Variants in KLHL29 observed in about 807,000 individuals in gnomAD.
KLHL29 encodes the protein kelch like family member 29, also known as kelch-like protein 29.
A neutral mutation model predicts 80.4 loss-of-function variants in KLHL29; 21 were observed. The ratio of observed to expected loss-of-function variants is 0.26; its 90% CI spans 0.19 to 0.38. The LOEUF is 0.38. Ranked by LOEUF, KLHL29 falls within the 10% of genes least tolerant of loss-of-function variation. The pLI is 1.00. For missense variants in KLHL29, 867 were observed against 1,223.9 expected, an observed-to-expected ratio of 0.71 and a Z score of 4.35; for synonymous variants, 511 against 526.8, an observed-to-expected ratio of 0.97 and a Z score of 0.41.
At position 23,695,817 on chromosome 2, in the gene KLHL29, T is replaced by C; in HGVS notation, c.1737T>C (p.Ser579=). ...MQTPRTRPRL[S]AGVAEVIVLV... ...CGCCCCGAACCCGGCCGCGCCTCTCTGCAGGTATGAAGGGGCACGCCCCGA... is the reference window on the plus strand; with the variant it reads ...CGCCCCGAACCCGGCCGCGCCTCTCCGCAGGTATGAAGGGGCACGCCCCGA... The change falls in exon 9 of 14, where the codon TCT becomes TCC. Residue 579 remains serine, a synonymous_variant. Coordinates refer to ENST00000486442, the MANE Select transcript of KLHL29 (RefSeq NM_052920.2). This position sits in a 1 kb window ranked among gnomAD's most constrained non-coding sequence, Gnocchi z 7.6. 6.5e-7 allele frequency: 1 copy of C among 1,548,466 alleles called. No homozygotes were observed. The highest frequency in any genetic ancestry group is 2.4e-5 in the East Asian group (1 of 40,910).
intron 2 of KLHL29, among the ~76,000 whole-genome samples, chr2:23,500,864 G>A (rs1214750250): frequency 2.0e-5 from 3 of 152,116 alleles, no homozygotes; most frequent in Non-Finnish European, 2.9e-5. Context: ...TTCAGTTCAC[G>A]AGGTTGCACT....
intron 1 of KLHL29, among the ~76,000 whole-genome samples, chr2:23,430,459 G>A (rs1663139119): frequency 6.6e-6 from 1 of 152,158 alleles, no homozygotes; most frequent in Non-Finnish European, 1.5e-5. Flanking sequence ...TTGCTTGTTT[G>A]ATGCTTTGGA....
At chr2:23,609,318 T>C (rs1383759005) in intron 3 of KLHL29, among the ~76,000 whole-genome samples, 1 of 152,092 alleles carries the variant, frequency 6.6e-6, no homozygotes, top group Non-Finnish European at 1.5e-5. Context: ...GGAGAAAGTG[T>C]GGGAGAGAGA....
chr2:23,533,820 C>T (rs1442698666), intron 2 of KLHL29, among the ~76,000 whole-genome samples: 3 of 152,168 alleles, frequency 2.0e-5, no homozygotes, highest in African/African-American at 7.2e-5. Flanking sequence ...TGTTTTCAAC[C>T]TTTGTGAACC....
At chr2:23,550,435 T>G (rs974607910) in intron 2 of KLHL29, among the ~76,000 whole-genome samples, 3 of 152,098 alleles carry the variant, frequency 2.0e-5, no homozygotes, top group African/African-American at 7.2e-5. Flanking sequence ...TGGTGAAAGG[T>G]TCGTTCCACA....
chr2:23,498,852 C>T (rs1336543084), intron 2 of KLHL29, among the ~76,000 whole-genome samples: 2 of 152,154 alleles, frequency 1.3e-5, no homozygotes, highest in Admixed American at 1.3e-4. Flanking sequence ...TGGGTGAGGC[C>T]GCCCCTATGC....
intron 2 of KLHL29, among the ~76,000 whole-genome samples, chr2:23,516,979 G>A (rs188254261): frequency 2.0e-5 from 3 of 152,316 alleles, no homozygotes; most frequent in Admixed American, 1.3e-4. Flanking sequence ...GGTGACGGAC[G>A]TGCCTGGGAG....
rs561762071 is a variant in KLHL29 at position 23,455,254 on chromosome 2, G to A, written c.-153-20306G>A. Among the ~76,000 whole-genome samples the A allele has an allele frequency of 4.6e-5, 7 of 152,194 alleles. No homozygotes were observed. In the South Asian group the frequency reaches 1.5e-3, roughly 32 times the overall value. On this transcript the variant is annotated intron_variant, in intron 1 of 13. Transcript: ENST00000486442. ...TGACCTCTTGTGACTGATTAGTAAA[G>A]CTCTGTAAAAAGGTTACCTGAAAAT... is the stretch of plus-strand genomic sequence containing the variant.
At chr2:23,430,783 G>C (rs980237846) in intron 1 of KLHL29, among the ~76,000 whole-genome samples, 5 of 152,174 alleles carry the variant, frequency 3.3e-5, no homozygotes, top group African/African-American at 4.8e-5. Flanking sequence ...TTCTCTTCTA[G>C]ATAGTGAGCG....
intron 2 of KLHL29, chr2:23,524,038 C>A (rs1468873120): frequency 4.2e-6 from 2 of 471,372 alleles, no homozygotes; most frequent in Non-Finnish European, 4.4e-6. Context: ...TTTTTTTTAC[C>A]AGCATGCCTT....
At chr2:23,661,250 A>G (rs1295882782) in intron 5 of KLHL29, among the ~76,000 whole-genome samples, 3 of 151,498 alleles carry the variant, frequency 2.0e-5, no homozygotes, top group African/African-American at 7.3e-5. Context: ...GCTGAAGTGG[A>G]AGTATTGCCT....
intron 1 of KLHL29, among the ~76,000 whole-genome samples, chr2:23,390,050 G>A (rs1666279662): frequency 6.6e-6 from 1 of 152,180 alleles, no homozygotes; most frequent in African/African-American, 2.4e-5. Flanking sequence ...CAAACTCTGT[G>A]GTTCTTCCTA....
At chr2:23,602,913 C>G (rs867633501) in intron 3 of KLHL29, among the ~76,000 whole-genome samples, 2 of 152,186 alleles carry the variant, frequency 1.3e-5, no homozygotes, top group African/African-American at 2.4e-5. Flanking sequence ...TCTGCTCAGC[C>G]TAGGCCAGCT....
chr2:23,690,976 G>T, intron 6 of KLHL29: 2 of 153,438 alleles, frequency 1.3e-5, no homozygotes, highest in Non-Finnish European at 1.5e-5. Context: ...CCCCGGGCCA[G>T]GCCCCAGGTC....
In KLHL29 at chr2:23,457,599, T is replaced by C. The variant is rs1664092487; in HGVS notation, c.-153-17961T>C. Among the ~76,000 whole-genome samples, 1 of 152,164 alleles carries C rather than the reference T, an allele frequency of 6.6e-6. No individual in the cohort carries two copies. Among genetic ancestry groups the C allele is most frequent in the Non-Finnish European group, 1.5e-5 (1 of 68,024 alleles). On this transcript the variant is annotated intron_variant, in intron 1 of 13. Transcript: ENST00000486442. The surrounding 1 kb of genome is among the most constrained non-coding windows in gnomAD (Gnocchi z 4.3). The stretch of plus-strand genomic sequence containing the variant: ...GAGTGTCACAAGGATTGTAACAGCG[T>C]CCCACTGGTGCTGGATGGCCAACAA...
intron 6 of KLHL29, chr2:23,689,525 T>TGTGCTC (rs1558441180): frequency 1.3e-5 from 2 of 152,402 alleles, no homozygotes; most frequent in Non-Finnish European, 2.9e-5. Context: ...TGCGTGTGCA[T>TGTGCTC]GTGCTCGCAC....
chr2:23,425,213 T>A, intron 1 of KLHL29, among the ~76,000 whole-genome samples: 1 of 152,222 alleles, frequency 6.6e-6, no homozygotes, highest in East Asian at 1.9e-4. Flanking sequence ...GCAAAAATGA[T>A]AAAATGATTT....
intron 2 of KLHL29, among the ~76,000 whole-genome samples, chr2:23,479,463 C>T (rs777070123): frequency 3.7e-4 from 56 of 152,054 alleles, no homozygotes; most frequent in Admixed American, 1.7e-3. Context: ...TGTGAGCTGC[C>T]GTCCTCCAGC....
intron 2 of KLHL29, among the ~76,000 whole-genome samples, chr2:23,504,262 CAG>C (rs1224389935): frequency 6.6e-6 from 1 of 152,180 alleles, no homozygotes; most frequent in Non-Finnish European, 1.5e-5. Flanking sequence ...AGACAAATGT[CAG>C]AGATCTAGAA....
Sources: gnomAD v4.1 joint callset for allele counts (sites outside exome capture counted in the v4.1 genomes callset) on GRCh38, gnomAD v4.1.1 for gene constraint, Gnocchi (gnomAD v3.1) non-coding constraint, MANE v1.5 for transcripts, NCBI Gene and HGNC (gene_info 2026-07-23, HGNC 2026-07-21) for gene names.